The following GRIP1 variants were observed in gnomAD, a reference collection of about 807,000 sequenced individuals.
The protein encoded by GRIP1 is glutamate receptor-interacting protein 1.
A neutral mutation model predicts 129.9 loss-of-function variants in GRIP1; 45 were observed. The observed-to-expected ratio is 0.35, with a 90% CI of 0.27 to 0.44. The LOEUF is 0.44. GRIP1 is among the 20% of genes least tolerant of loss of function. The pLI is 1.00. For missense variants in GRIP1, 1,196 were observed against 1,396.8 expected, an observed-to-expected ratio of 0.86 and a Z score of 2.29; for synonymous variants, 530 against 520.8, an observed-to-expected ratio of 1.02 and a Z score of -0.24.
At chr12:66,642,756 C>T (rs2032044508) in intron 1 of GRIP1, among the ~76,000 whole-genome samples, 1 of 152,108 alleles carries the variant, frequency 6.6e-6, no homozygotes, top group Admixed American at 6.5e-5. Flanking sequence ...GGCATACCTC[C>T]TTCCTAACCC....
intron 1 of GRIP1, among the ~76,000 whole-genome samples, chr12:66,837,988 G>A (rs2039645969): frequency 6.6e-6 from 1 of 152,182 alleles, no homozygotes; most frequent in Non-Finnish European, 1.5e-5. Context: ...GAGGTCAGGA[G>A]TTCGCGACCA....
chr12:66,468,438 T>C (rs990708128), intron 7 of GRIP1, among the ~76,000 whole-genome samples: 1 of 152,248 alleles, frequency 6.6e-6, no homozygotes, highest in Non-Finnish European at 1.5e-5. Context: ...GGTATTCCAA[T>C]AGGCCTTTTC....
At chr12:66,576,879 T>C (rs1387854898) in intron 2 of GRIP1, among the ~76,000 whole-genome samples, 1 of 152,220 alleles carries the variant, frequency 6.6e-6, no homozygotes, top group African/African-American at 2.4e-5. Context: ...GAATAAGACC[T>C]GTATGTGTTA....
At chr12:66,906,054 G>A (rs551490392) in intron 1 of GRIP1, among the ~76,000 whole-genome samples, 1 of 152,176 alleles carries the variant, frequency 6.6e-6, no homozygotes, top group East Asian at 1.9e-4. Flanking sequence ...AAATCTGACT[G>A]GACTATCTAG....
chr12:66,406,787 T>C (rs1313580978), intron 15 of GRIP1, among the ~76,000 whole-genome samples: 2 of 152,184 alleles, frequency 1.3e-5, no homozygotes, highest in Non-Finnish European at 2.9e-5. Context: ...TTTTGATCCT[T>C]GGTAGTCCAG....
chr12:66,616,446 ACTC>A (rs2065041240), intron 1 of GRIP1, among the ~76,000 whole-genome samples: 1 of 152,126 alleles, frequency 6.6e-6, no homozygotes, highest in East Asian at 1.9e-4. Context: ...ATACAATTGT[ACTC>A]CTCATACTTC....
chr12:66,536,465 A>G (rs2061606682), intron 4 of GRIP1, among the ~76,000 whole-genome samples: 1 of 152,152 alleles, frequency 6.6e-6, no homozygotes. Context: ...TAATGTTTCT[A>G]TAACAACCGT....
intron 1 of GRIP1, among the ~76,000 whole-genome samples, chr12:67,022,952 T>C (rs940917116): frequency 6.6e-6 from 1 of 152,206 alleles, no homozygotes; most frequent in Non-Finnish European, 1.5e-5. Context: ...GTTACCCATA[T>C]ATATTCTTTG....
intron 16 of GRIP1, among the ~76,000 whole-genome samples, chr12:66,400,615 G>GA (rs2056952357): frequency 6.6e-6 from 1 of 151,842 alleles, no homozygotes; most frequent in Non-Finnish European, 1.5e-5. Flanking sequence ...CCTGAAAATG[G>GA]TTTTTTTTAA....
chr12:66,807,900 A>T (rs193207453), upstream of GRIP1, among the ~76,000 whole-genome samples: 14 of 151,932 alleles, frequency 9.2e-5, no homozygotes, highest in Non-Finnish European at 1.9e-4. Flanking sequence ...ACACTTCTGA[A>T]TTTTTTCCCA....
chr12:66,418,135 A>T (rs759681611), intron 15 of GRIP1, among the ~76,000 whole-genome samples: 77 of 152,304 alleles, frequency 5.1e-4, no homozygotes, highest in Non-Finnish European at 9.7e-4. Context: ...ACAAATCCAC[A>T]TGCCTACAGT....
chr12:66,798,922 T>A (rs1015214365), intron 1 of GRIP1, among the ~76,000 whole-genome samples: 1 of 152,126 alleles, frequency 6.6e-6, no homozygotes, highest in Non-Finnish European at 1.5e-5. Context: ...ACTAAGTAGT[T>A]ACAATTTATA....
chr12:67,005,400 A>G (rs2042612007), intron 1 of GRIP1, among the ~76,000 whole-genome samples: 1 of 152,228 alleles, frequency 6.6e-6, no homozygotes, highest in Non-Finnish European at 1.5e-5. Context: ...GAAATCCACT[A>G]CAATGATAAT....
chr12:66,440,646 T>A (rs2058446529), intron 13 of GRIP1, among the ~76,000 whole-genome samples: 1 of 152,194 alleles, frequency 6.6e-6, no homozygotes, highest in Admixed American at 6.5e-5. Context: ...CTCTTTCTCA[T>A]TCCTTTGTGG....
At chr12:66,892,890 C>T (rs974860287) in intron 1 of GRIP1, among the ~76,000 whole-genome samples, 1 of 152,040 alleles carries the variant, frequency 6.6e-6, no homozygotes, top group Non-Finnish European at 1.5e-5. Context: ...TTGCTGGAGC[C>T]TAGGAGGTCA....
intron 1 of GRIP1, among the ~76,000 whole-genome samples, chr12:66,926,373 T>C (rs2137383496): frequency 6.6e-6 from 1 of 152,348 alleles, no homozygotes; most frequent in African/African-American, 2.4e-5. Flanking sequence ...AGCTCGAAGC[T>C]AGCTACTGCC....
chr12:66,809,712 T>G (rs765828515), intron 1 of GRIP1, among the ~76,000 whole-genome samples: 4 of 150,446 alleles, frequency 2.7e-5, no homozygotes, highest in Non-Finnish European at 5.9e-5. Flanking sequence ...CAGGCTGGAG[T>G]CCAGTGGTGC....
chr12:67,012,022 A>T (rs1179593112), intron 1 of GRIP1, among the ~76,000 whole-genome samples: 1 of 152,192 alleles, frequency 6.6e-6, no homozygotes, highest in African/African-American at 2.4e-5. Flanking sequence ...GAAGGCAGGG[A>T]CAAGACTGTT....
chr12:66,896,629 G>T (rs748966848), intron 1 of GRIP1, among the ~76,000 whole-genome samples: 1 of 152,164 alleles, frequency 6.6e-6, no homozygotes, highest in African/African-American at 2.4e-5. Flanking sequence ...ACCCCTTCCA[G>T]AGATGTGGTT....
Sources: allele counts gnomAD v4.1 joint callset (sites outside exome capture counted in the v4.1 genomes callset), GRCh38; gene constraint gnomAD v4.1.1; transcripts MANE v1.5; gene names NCBI Gene and HGNC (gene_info 2026-07-23, HGNC 2026-07-21).